Variants in EXOC4 observed in about 807,000 individuals in gnomAD.
The protein encoded by EXOC4 is exocyst complex component 4, also known as SEC8-like 1.
Under a neutral mutation model 107.2 loss-of-function variants are expected in EXOC4, and 71 were observed. The observed-to-expected ratio is 0.66, with a 90% CI of 0.55 to 0.81. The LOEUF (loss-of-function observed/expected upper bound fraction) is 0.81. EXOC4 is among the 30% of genes least tolerant of loss of function. The pLI is 0.00. For synonymous variants in EXOC4, 456 were observed against 441.2 expected (o/e 1.03, Z -0.42); for missense variants, 1,108 against 1,189.6 (o/e 0.93, Z 1.01).
intron 8 of EXOC4, among the ~76,000 whole-genome samples, chr7:133,475,853 A>G (rs569330655): frequency 5.9e-5 from 9 of 152,298 alleles, no homozygotes; most frequent in Admixed American, 1.3e-4. Context: ...AAGTTATGCA[A>G]ATGTTTCTAG....
intron 9 of EXOC4, among the ~76,000 whole-genome samples, chr7:133,531,748 C>G (rs73445084): frequency 0.026 from 3,922 of 152,244 alleles, 168 homozygotes; most frequent in African/African-American, 0.09. Flanking sequence ...GTAAACCTTA[C>G]TTTTAATAAT....
chr7:133,329,771 A>T (rs1373088221), intron 5 of EXOC4, among the ~76,000 whole-genome samples: 1 of 152,132 alleles, frequency 6.6e-6, no homozygotes, highest in Non-Finnish European at 1.5e-5. Flanking sequence ...AACAGCAAAG[A>T]TTGCTGCCTG....
intron 14 of EXOC4, among the ~76,000 whole-genome samples, chr7:133,964,053 C>T (rs1228988493): frequency 1.3e-5 from 2 of 151,782 alleles, no homozygotes; most frequent in South Asian, 2.1e-4. Flanking sequence ...TATGTATGCC[C>T]CTGTGAAATC....
chr7:133,720,958 T>A (rs991131582), intron 10 of EXOC4, among the ~76,000 whole-genome samples: 1 of 152,230 alleles, frequency 6.6e-6, no homozygotes, highest in Admixed American at 6.5e-5. Flanking sequence ...CTACATTAAA[T>A]GTGTAGCTTA....
chr7:133,583,231 C>G (rs536048572), intron 9 of EXOC4, among the ~76,000 whole-genome samples: 4 of 152,106 alleles, frequency 2.6e-5, no homozygotes, highest in African/African-American at 9.6e-5. Context: ...CAACTGTTAA[C>G]TTGGATTTTA....
At chr7:134,069,749 G>A (rs762757823), downstream of EXOC4, among the ~76,000 whole-genome samples, 6 of 152,302 alleles carry the variant, frequency 3.9e-5, no homozygotes, top group Middle Eastern at 3.4e-3. Context: ...TGGGACTACA[G>A]GCATGAGCCA....
At position 133,320,116 on chromosome 7, in the gene EXOC4, G is replaced by C. The variant is rs550490719; in HGVS notation, c.763+2726G>C. On this transcript the variant is annotated intron_variant, in intron 5 of 17. Coordinates refer to ENST00000253861, the MANE Select transcript of EXOC4 (RefSeq NM_021807.4). Reference sequence around the variant, plus strand: ...CAAGTGGTTGTGATTTCAGCTTAGAGCCAGGTTCGACTATGCTCTTCTAAC... The same window carrying C: ...CAAGTGGTTGTGATTTCAGCTTAGACCCAGGTTCGACTATGCTCTTCTAAC... Among the ~76,000 whole-genome samples, 5 of 152,218 alleles carry C rather than the reference G, an allele frequency of 3.3e-5. No homozygotes were observed. The East Asian group carries it at 9.7e-4, about 29-fold the overall frequency.
At chr7:133,567,047 A>C (rs1800920300) in intron 9 of EXOC4, among the ~76,000 whole-genome samples, 1 of 152,146 alleles carries the variant, frequency 6.6e-6, no homozygotes, top group African/African-American at 2.4e-5. Context: ...TGCTGGCTTA[A>C]GAAAACCAGC....
chr7:133,359,568 C>A (rs1442056395), intron 6 of EXOC4, among the ~76,000 whole-genome samples: 1 of 152,086 alleles, frequency 6.6e-6, no homozygotes, highest in Non-Finnish European at 1.5e-5. Context: ...TTTTCTCCCC[C>A]ACCCTCCAGT....
the EXOC4 span, among the ~76,000 whole-genome samples, chr7:134,084,573 G>A: frequency 2.6e-5 from 4 of 151,896 alleles, no homozygotes; most frequent in South Asian, 2.1e-4. Flanking sequence ...TTTGTATCAG[G>A]AGGGCCTCAG....
intron 9 of EXOC4, among the ~76,000 whole-genome samples, chr7:133,579,087 A>G (rs1343880473): frequency 6.6e-6 from 1 of 152,120 alleles, no homozygotes; most frequent in East Asian, 1.9e-4. Flanking sequence ...TAGTAGAAAA[A>G]TTTAGTTATC....
chr7:133,936,198 C>G (rs1034857227), intron 13 of EXOC4, among the ~76,000 whole-genome samples: 4 of 152,262 alleles, frequency 2.6e-5, no homozygotes, highest in African/African-American at 7.2e-5. Context: ...TCCATGCGCT[C>G]GGTTCACTGC....
rs576409934 is a variant in EXOC4 at position 133,630,153 on chromosome 7, G to A, written c.1514+12G>A. The A allele has an allele frequency of 1.5e-5, 23 of 1,575,082 alleles. 1 individual carries two copies. In the South Asian group the frequency reaches 2.5e-4, roughly 17 times the overall value. ...CACCCATTACTAAGGTAAGTCAAGT[G>A]CTATGATATACTTACTGAAGATCAA... On this transcript the variant is annotated intron_variant, in intron 10 of 17. Transcript: ENST00000253861.
At chr7:133,616,339 A>G (rs1585034319) in intron 9 of EXOC4, among the ~76,000 whole-genome samples, 1 of 152,062 alleles carries the variant, frequency 6.6e-6, no homozygotes, top group Admixed American at 6.6e-5. Context: ...GCTGTTGCTT[A>G]TGTTTATTTC....
chr7:133,742,941 G>A (rs1272896928), intron 10 of EXOC4, among the ~76,000 whole-genome samples: 1 of 152,162 alleles, frequency 6.6e-6, no homozygotes, highest in African/African-American at 2.4e-5. Flanking sequence ...TGGTGGCAAA[G>A]GCACAACAGA....
chr7:133,876,885 G>A (rs866390965), intron 11 of EXOC4, among the ~76,000 whole-genome samples: 1 of 151,772 alleles, frequency 6.6e-6, no homozygotes, highest in Admixed American at 6.6e-5. Flanking sequence ...TCAGCAATTC[G>A]ATTATTTGTG....
chr7:134,042,765 C>T (rs957396658), intron 17 of EXOC4, among the ~76,000 whole-genome samples: 1 of 152,202 alleles, frequency 6.6e-6, no homozygotes, highest in Non-Finnish European at 1.5e-5. Flanking sequence ...TGGCCAGGCA[C>T]GGTGGCTCAT....
intron 14 of EXOC4, among the ~76,000 whole-genome samples, chr7:133,953,008 C>A (rs1027695726): frequency 1.8e-4 from 28 of 152,146 alleles, no homozygotes; most frequent in African/African-American, 6.5e-4. Context: ...TGGGTATATA[C>A]CCAGAAGTGA....
In EXOC4 at chr7:133,658,476, G is replaced by A. The variant is rs567600783; in HGVS notation, c.1514+28335G>A. On this transcript the variant is annotated intron_variant, in intron 10 of 17. Transcript: ENST00000253861. ...CTGCCGAATATCCTCTGTATGGCCAGGCTGCTATGGGGCTCATGTTGCCCA... is the reference window on the plus strand; with the variant it reads ...CTGCCGAATATCCTCTGTATGGCCAAGCTGCTATGGGGCTCATGTTGCCCA... Among the ~76,000 whole-genome samples the A allele has an allele frequency of 1.3e-3, 205 of 152,284 alleles. 1 individual carries two copies. The highest frequency in any genetic ancestry group is 4.6e-3 in the African/African-American group (190 of 41,560).
Sources: allele counts gnomAD v4.1 joint callset (sites outside exome capture counted in the v4.1 genomes callset), GRCh38; gene constraint gnomAD v4.1.1; transcripts MANE v1.5; gene names NCBI Gene and HGNC (gene_info 2026-07-23, HGNC 2026-07-21).